Variants in DYNLT2B observed in about 807,000 individuals in gnomAD.
DYNLT2B encodes dynein light chain Tctex-type protein 2B.
Under a neutral mutation model 19.5 loss-of-function variants are expected in DYNLT2B, and 14 were observed. The ratio of observed to expected loss-of-function variants is 0.72; its 90% CI spans 0.47 to 1.12. The LOEUF (loss-of-function observed/expected upper bound fraction) is 1.12, where lower values mean the gene tolerates loss of function less well. Among genes scored for constraint, DYNLT2B ranks in the 50% most tolerant of loss-of-function variants. The probability of loss-of-function intolerance (pLI) is 0.00; values close to 1 mark genes in which losing one functional copy is unlikely to be tolerated. For missense variants in DYNLT2B, 133 were observed against 174.7 expected (o/e 0.76, Z 1.35); for synonymous variants, 70 against 59.7 (o/e 1.17, Z -0.79).
chr3:196,295,015 T>G (rs562090214), intron 4 of DYNLT2B, among the ~76,000 whole-genome samples: 21 of 152,230 alleles, frequency 1.4e-4, no homozygotes, highest in African/African-American at 4.8e-4. Flanking sequence ...GTGCTGAGAT[T>G]ACAAGCGTGA....
chr3:196,311,559 T>A (rs532792393), intron 2 of DYNLT2B, among the ~76,000 whole-genome samples: 1 of 152,100 alleles, frequency 6.6e-6, no homozygotes, highest in South Asian at 2.1e-4. Flanking sequence ...ATTTCCTTTA[T>A]ATGGAAAGAA....
chr3:196,308,355 G>T (rs758302792), intron 2 of DYNLT2B, among the ~76,000 whole-genome samples: 3 of 152,130 alleles, frequency 2.0e-5, no homozygotes, highest in Non-Finnish European at 2.9e-5. Context: ...CAGCAGGAGA[G>T]CATGGGATCT....
intron 2 of DYNLT2B, among the ~76,000 whole-genome samples, chr3:196,308,082 GAAAA>G (rs201886079): frequency 2.8e-5 from 3 of 108,990 alleles, no homozygotes; most frequent in Non-Finnish European, 5.5e-5. Context: ...ACTCCATCTC[GAAAA>G]AAAAAAAAAA....
In DYNLT2B at chr3:196,317,833, G is replaced by A. The variant is rs540284904; in HGVS notation, c.113+207C>T. Among the ~76,000 whole-genome samples the A allele has an allele frequency of 3.3e-5, 5 of 152,210 alleles. No homozygotes were observed. In the South Asian group the frequency reaches 1.0e-3, roughly 32 times the overall value. ...CGCCCGGCGCCCAAACACTGAGGAA[G>A]CGGGTGGGGTCCCCTGCGGCCCCTG... On this transcript the variant is annotated intron_variant, in intron 1 of 4. Coordinates refer to ENST00000325318, the MANE Select transcript of DYNLT2B (RefSeq NM_152773.5).
chr3:196,299,811 G>A (rs1434054408), intron 3 of DYNLT2B, among the ~76,000 whole-genome samples: 3 of 151,890 alleles, frequency 2.0e-5, no homozygotes, highest in African/African-American at 4.8e-5. Context: ...GGCGCCTGTA[G>A]TCCCAGCTAC....
intron 2 of DYNLT2B, among the ~76,000 whole-genome samples, chr3:196,308,082 G>GA (rs201886079): frequency 0.23 from 25,195 of 108,616 alleles, 2,755 homozygotes; most frequent in Middle Eastern, 0.31. Flanking sequence ...ACTCCATCTC[G>GA]AAAAAAAAAA....
chr3:196,301,697 A>G (rs1325497320), intron 3 of DYNLT2B, among the ~76,000 whole-genome samples: 4 of 152,102 alleles, frequency 2.6e-5, no homozygotes, highest in Non-Finnish European at 5.9e-5. Flanking sequence ...TGGGTGACAG[A>G]GTGAGACTCT....
In DYNLT2B at chr3:196,312,711, C is replaced by T. The variant is rs767384927; in HGVS notation, c.247+3387G>A. On this transcript the variant is annotated intron_variant, in intron 2 of 4. Coordinates refer to ENST00000325318, the MANE Select transcript of DYNLT2B (RefSeq NM_152773.5). ...TGACCTCGGGTGATCCACCCGGCTC[C>T]GCCTCCCACAGTGCCTGGATTGCAG... is the stretch of plus-strand genomic sequence containing the variant. 4.6e-5 allele frequency among the ~76,000 whole-genome samples: 7 copies of T among 152,024 alleles called. No homozygotes were observed. In the East Asian group the frequency reaches 5.8e-4, roughly 13 times the overall value.
chr3:196,317,829 G>A (rs1726920576), intron 1 of DYNLT2B, among the ~76,000 whole-genome samples: 1 of 152,100 alleles, frequency 6.6e-6, no homozygotes, highest in Non-Finnish European at 1.5e-5. Context: ...CAAACACTGA[G>A]GAAGCGGGTG....
intron 3 of DYNLT2B, among the ~76,000 whole-genome samples, chr3:196,304,694 AAAAAAAACAAC>A (rs1018440100): frequency 2.1e-5 from 3 of 139,896 alleles, no homozygotes; most frequent in Non-Finnish European, 3.2e-5. Context: ...TCCATCTCAA[AAAAAAAACAAC>A]AAAAAAATCA....
chr3:196,310,286 A>G (rs1412750609), intron 2 of DYNLT2B, among the ~76,000 whole-genome samples: 3 of 139,316 alleles, frequency 2.2e-5, no homozygotes, highest in African/African-American at 7.9e-5. Flanking sequence ...TTTTTTTTGC[A>G]TTTTTAGTAG....
intron 2 of DYNLT2B, among the ~76,000 whole-genome samples, chr3:196,312,428 T>C (rs1026663145): frequency 1.3e-5 from 2 of 152,118 alleles, no homozygotes; most frequent in African/African-American, 4.8e-5. Flanking sequence ...AGAAAATAAA[T>C]TATTACCTCA....
At chr3:196,307,599 G>A (rs1001334379) in intron 2 of DYNLT2B, among the ~76,000 whole-genome samples, 40 of 151,516 alleles carry the variant, frequency 2.6e-4, no homozygotes, top group Admixed American at 1.2e-3. Context: ...CACCGCGCCC[G>A]GTCAGATATA....
At chr3:196,317,718 C>T (rs896504766) in intron 1 of DYNLT2B, among the ~76,000 whole-genome samples, 15 of 152,332 alleles carry the variant, frequency 9.8e-5, no homozygotes, top group Admixed American at 4.6e-4. Context: ...ACGCGAGTGG[C>T]TTCCTGCCTC....
chr3:196,311,777 C>G (rs186937321), intron 2 of DYNLT2B, among the ~76,000 whole-genome samples: 2 of 151,998 alleles, frequency 1.3e-5, no homozygotes, highest in African/African-American at 4.8e-5. Context: ...TCCTTCACCC[C>G]CCAGGTTCAA....
In DYNLT2B at chr3:196,299,717, G is replaced by C. The variant is rs750388873; in HGVS notation, c.318-3648C>G. Among the ~76,000 whole-genome samples, 286 of 151,796 alleles carry C rather than the reference G, an allele frequency of 1.9e-3. 2 individuals are homozygous for C. The highest frequency in any genetic ancestry group is 3.2e-3 in the Non-Finnish European group (216 of 67,910). On this transcript the variant is annotated intron_variant, in intron 3 of 4. Coordinates refer to ENST00000325318, the MANE Select transcript of DYNLT2B (RefSeq NM_152773.5). ...GAGGCTGAGGCAGGCGGATCACGAGGTCAGGAGATCGAGACCATCCTGGCT... is the reference window on the plus strand; with the variant it reads ...GAGGCTGAGGCAGGCGGATCACGAGCTCAGGAGATCGAGACCATCCTGGCT...
intron 2 of DYNLT2B, among the ~76,000 whole-genome samples, chr3:196,310,011 C>T (rs866509885): frequency 2.6e-4 from 39 of 151,282 alleles, no homozygotes; most frequent in African/African-American, 8.5e-4. Context: ...AATCAAGGAA[C>T]GAAGAGTTAT....
intron 2 of DYNLT2B, among the ~76,000 whole-genome samples, chr3:196,313,871 A>T (rs1577394222): frequency 6.6e-6 from 1 of 151,354 alleles, no homozygotes; most frequent in South Asian, 2.1e-4. Flanking sequence ...GCCGAGGCGG[A>T]CGGATCACCT....
intron 1 of DYNLT2B, among the ~76,000 whole-genome samples, chr3:196,316,928 TTGTGTGGTG>T (rs1642776391): frequency 2.1e-5 from 2 of 95,418 alleles, no homozygotes; most frequent in East Asian, 3.3e-4. Flanking sequence ...TGTGTGTGTG[TTGTGTGGTG>T]TGTGTGTGTG....
Sources: allele counts gnomAD v4.1 joint callset (sites outside exome capture counted in the v4.1 genomes callset), GRCh38; gene constraint gnomAD v4.1.1; transcripts MANE v1.5; gene names NCBI Gene and HGNC (gene_info 2026-07-23, HGNC 2026-07-21).